Variants in EPHA6 observed in about 807,000 individuals in gnomAD.
EPHA6 encodes EPH receptor A6.
Under a neutral mutation model 112.0 loss-of-function variants are expected in EPHA6, and 50 were observed. The ratio of observed to expected loss-of-function variants is 0.45; its 90% CI spans 0.36 to 0.56. EPHA6 has a LOEUF of 0.56. Ranked by LOEUF, EPHA6 falls within the 20% of genes least tolerant of loss-of-function variation. EPHA6 has a pLI of 0.00. For missense variants in EPHA6, 1,280 were observed against 1,417.4 expected (o/e 0.90, Z 1.56); for synonymous variants, 529 against 490.7 (o/e 1.08, Z -1.03).
chr3:97,466,325 C>T, intron 7 of EPHA6: 1 of 1,564,896 alleles, frequency 6.4e-7, no homozygotes. Context: ...GTAACTATAC[C>T]TAGTTTGGAT....
intron 11 of EPHA6, among the ~76,000 whole-genome samples, chr3:97,556,170 AACC>A (rs1158383996): frequency 1.3e-5 from 2 of 151,848 alleles, no homozygotes; most frequent in Non-Finnish European, 2.9e-5. Flanking sequence ...TTCCTGAAAA[AACC>A]ACAAGAGAGG....
chr3:97,452,445 C>T (rs1284092242), intron 7 of EPHA6, among the ~76,000 whole-genome samples: 2 of 151,624 alleles, frequency 1.3e-5, no homozygotes, highest in Middle Eastern at 3.4e-3. Flanking sequence ...TTTTAATGTT[C>T]GCATTTTATG....
At chr3:97,717,744 G>A (rs2034315158) in intron 14 of EPHA6, among the ~76,000 whole-genome samples, 1 of 152,154 alleles carries the variant, frequency 6.6e-6, no homozygotes, top group African/African-American at 2.4e-5. Context: ...ATAACAGGGA[G>A]CAATGCCATT....
chr3:97,621,798 A>G lies in EPHA6; in HGVS notation c.2574+10944A>G, dbSNP rs571832895. Among the ~76,000 whole-genome samples, 6 of 152,028 alleles carry G rather than the reference A, an allele frequency of 3.9e-5. No individual in the cohort carries two copies. The East Asian group carries it at 7.8e-4, about 20-fold the overall frequency. On this transcript the variant is annotated intron_variant, in intron 13 of 17. Transcript: ENST00000389672. ...AATTCTGAAAGACAGAAACAGAGAA[A>G]CATCTATAGGATTTAGCAAATAAGA...
chr3:97,526,503 T>C (rs1049488055), intron 10 of EPHA6, among the ~76,000 whole-genome samples: 1 of 152,096 alleles, frequency 6.6e-6, no homozygotes, highest in Non-Finnish European at 1.5e-5. Context: ...AGAACCCCAA[T>C]AGATCCCTAT....
At chr3:96,928,594 G>A (rs963159497) in intron 2 of EPHA6, among the ~76,000 whole-genome samples, 2 of 152,158 alleles carry the variant, frequency 1.3e-5, no homozygotes, top group African/African-American at 2.4e-5. Flanking sequence ...TGTATATTCT[G>A]TTATTTTTGG....
chr3:97,444,250 G>C (rs189718667), intron 6 of EPHA6, among the ~76,000 whole-genome samples: 3 of 152,002 alleles, frequency 2.0e-5, no homozygotes, highest in Admixed American at 2.0e-4. Flanking sequence ...ATAAAACAAA[G>C]AGGTGACACC....
At chr3:97,747,126 T>C (rs561399232) in intron 16 of EPHA6, among the ~76,000 whole-genome samples, 4 of 151,870 alleles carry the variant, frequency 2.6e-5, no homozygotes, top group African/African-American at 7.2e-5. Context: ...TAGCAAGATG[T>C]GAGTTCTCTC....
At chr3:97,590,708 G>A (rs2093535522) in intron 11 of EPHA6, among the ~76,000 whole-genome samples, 1 of 151,894 alleles carries the variant, frequency 6.6e-6, no homozygotes, top group African/African-American at 2.4e-5. Flanking sequence ...AGCTAAAATT[G>A]CATTATTTTA....
chr3:97,694,167 T>C (rs1470454871), intron 14 of EPHA6, among the ~76,000 whole-genome samples: 1 of 152,120 alleles, frequency 6.6e-6, no homozygotes, highest in Admixed American at 6.5e-5. Flanking sequence ...TTGTGTGACC[T>C]AGAGAGAATC....
At chr3:97,653,951 C>T (rs1019420650) in intron 14 of EPHA6, among the ~76,000 whole-genome samples, 2 of 151,752 alleles carry the variant, frequency 1.3e-5, no homozygotes, top group Middle Eastern at 3.2e-3. Flanking sequence ...CTCATAGAAG[C>T]AGAGTAGAAT....
At chr3:97,178,507 T>A (rs2076898202) in intron 3 of EPHA6, among the ~76,000 whole-genome samples, 1 of 152,102 alleles carries the variant, frequency 6.6e-6, no homozygotes, top group Admixed American at 6.6e-5. Context: ...ATTGCAGTGC[T>A]CCCTTTAGCA....
At chr3:96,865,945 A>G (rs979202720) in intron 1 of EPHA6, among the ~76,000 whole-genome samples, 2 of 151,986 alleles carry the variant, frequency 1.3e-5, no homozygotes, top group African/African-American at 2.4e-5. Context: ...AATCGTTTCT[A>G]TCATCTAACT....
intron 11 of EPHA6, among the ~76,000 whole-genome samples, chr3:97,570,870 G>C (rs1038722885): frequency 6.6e-6 from 1 of 152,180 alleles, no homozygotes. Flanking sequence ...GCTTGGATAA[G>C]CTAGAGGTTA....
chr3:97,532,332 A>G (rs2092704719), intron 10 of EPHA6, 26 bp from the exon 11 acceptor site: 1 of 1,578,808 alleles, frequency 6.3e-7, no homozygotes, highest in Non-Finnish European at 8.6e-7. Context: ...GTTTAATCAA[A>G]TAACTGCTTT....
At chr3:97,351,907 A>G (rs1436084964) in intron 5 of EPHA6, among the ~76,000 whole-genome samples, 1 of 152,142 alleles carries the variant, frequency 6.6e-6, no homozygotes, top group Admixed American at 6.5e-5. Flanking sequence ...TTAAAGACAA[A>G]TAGTCACATT....
At chr3:97,180,959 G>GTA (rs2108450742) in intron 3 of EPHA6, among the ~76,000 whole-genome samples, 1 of 152,016 alleles carries the variant, frequency 6.6e-6, no homozygotes, top group Admixed American at 6.6e-5. Flanking sequence ...GTTGTAGTCC[G>GTA]TATGGCTTAG....
chr3:97,414,919 A>G (rs1047387544), intron 6 of EPHA6, among the ~76,000 whole-genome samples: 5 of 151,978 alleles, frequency 3.3e-5, no homozygotes, highest in Admixed American at 1.3e-4. Context: ...GTTGCCTTCA[A>G]TTATTTAGAG....
chr3:96,991,542 C>T (rs957200788), intron 3 of EPHA6, among the ~76,000 whole-genome samples: 1 of 151,996 alleles, frequency 6.6e-6, no homozygotes, highest in Non-Finnish European at 1.5e-5. Context: ...AATGAGTATC[C>T]GAGGAGATAG....
Sources: gnomAD v4.1 joint callset for allele counts (sites outside exome capture counted in the v4.1 genomes callset) on GRCh38, gnomAD v4.1.1 for gene constraint, MANE v1.5 for transcripts, NCBI Gene and HGNC (gene_info 2026-07-23, HGNC 2026-07-21) for gene names.